Variants in MLKL observed in about 807,000 individuals in gnomAD.
MLKL encodes mixed lineage kinase domain like pseudokinase, also known as mixed lineage kinase domain-like protein.
MLKL carries 55 observed loss-of-function variants against 56.5 expected under a neutral mutation model. The ratio of observed to expected loss-of-function variants is 0.97; its 90% CI spans 0.78 to 1.22. The LOEUF (loss-of-function observed/expected upper bound fraction) is 1.22, where lower values mean the gene tolerates loss of function less well. Ranked by LOEUF, MLKL falls within the 50% of genes most tolerant of loss-of-function variation. The pLI is 0.00. For missense variants in MLKL, 694 were observed against 573.9 expected, an observed-to-expected ratio of 1.21 and a Z score of -2.14; for synonymous variants, 251 against 208.3, an observed-to-expected ratio of 1.20 and a Z score of -1.76.
At chr16:74,695,826 A>G (rs1236506746) in intron 1 of MLKL, 67 bp from the exon 2 acceptor site, 1 of 1,373,434 alleles carries the variant, frequency 7.3e-7, no homozygotes, top group African/African-American at 1.4e-5. Flanking sequence ...TTGGCTAAGA[A>G]AGAATCAAAG....
intron 4 of MLKL, among the ~76,000 whole-genome samples, chr16:74,689,108 T>C (rs1960509458): frequency 6.6e-6 from 1 of 151,642 alleles, no homozygotes; most frequent in African/African-American, 2.4e-5. Flanking sequence ...TCCTTCCTTT[T>C]TTCTTTTTTT....
chr16:74,700,395 C>T (rs2144582952), intron 1 of MLKL, 58 bp downstream of exon 1: 1 of 152,624 alleles, frequency 6.6e-6, no homozygotes, highest in African/African-American at 2.4e-5. Context: ...CATCACCGTC[C>T]AGGAATTCGG....
At position 74,682,773 on chromosome 16, in the gene MLKL, T is replaced by C. The variant is rs770026452; in HGVS notation, c.834A>G (p.Gln278=). Residue 278 remains glutamine, a synonymous_variant, in exon 6 of 11, where the codon CAA becomes CAG. Transcript: ENST00000308807. The part of the protein sequence containing the change: ...ICIDETVTPP[Q]FSIVMEYCEL... ...CACAGTACTCCATGACAATGGAGAA[T>C]TGAGGCGGAGTCACTGGTGGAAAGG... 4.3e-6 allele frequency: 7 copies of C among 1,614,052 alleles called. No individual in the cohort carries two copies. Among genetic ancestry groups the C allele is most frequent in the East Asian group, 2.2e-5 (1 of 44,864 alleles).
At chr16:74,675,123 C>G in intron 9 of MLKL, 23 bp from the exon 10 acceptor site, 1 of 1,610,534 alleles carries the variant, frequency 6.2e-7, no homozygotes, top group Non-Finnish European at 8.5e-7. Flanking sequence ...GCATGAGAGC[C>G]TCAAAAAATT....
chr16:74,674,410 C>T (rs1028404240), intron 10 of MLKL, among the ~76,000 whole-genome samples: 3 of 151,666 alleles, frequency 2.0e-5, no homozygotes, highest in Non-Finnish European at 2.9e-5. Context: ...ACCTTGGCCT[C>T]GCAAAATGTT....
At chr16:74,691,151 A>G (rs1026032403) in intron 4 of MLKL, 126 bp downstream of exon 4, 1 of 788,008 alleles carries the variant, frequency 1.3e-6, no homozygotes, top group Admixed American at 2.6e-5. Flanking sequence ...TTAACAGTGG[A>G]GAGCACATAA....
chr16:74,676,228 T>C (rs543723233), intron 7 of MLKL: 2 of 993,072 alleles, frequency 2.0e-6, no homozygotes, highest in East Asian at 2.2e-4. Context: ...TATCTGACTT[T>C]ATGGGGGGTC....
Position 74,675,312 on chromosome 16 carries a change from A to G in MLKL, c.1240+43T>C, listed in dbSNP as rs757301956. The G allele has an allele frequency of 2.5e-6, 4 of 1,613,800 alleles. No individual in the cohort carries two copies. In the South Asian group the frequency reaches 3.3e-5, roughly 13 times the overall value. On this transcript the variant is annotated intron_variant, in intron 9 of 10. Coordinates refer to ENST00000308807, the MANE Select transcript of MLKL (RefSeq NM_152649.4). ...GGAATTTCTGGTCTACTGGAAGGGG[A>G]CCCAACCTCACCACTGGCTGAGCCA...
rs573732219 is a variant in MLKL, at chr16:74,672,431, A to G, written c.*73T>C. ...AGATAACCCAATGCCGAAGGATATG[A>G]GAGAGAGAGATGTCCAGTTTGTGCC... On this transcript the variant is annotated 3_prime_UTR_variant, in exon 11 of 11. Transcript: ENST00000308807. 2.1e-5 allele frequency: 28 copies of G among 1,308,784 alleles called. No individual in the cohort carries two copies. The South Asian group carries it at 3.2e-4, about 15-fold the overall frequency. 81.1% of individuals were successfully genotyped at this position (1,308,784 alleles called of 1,614,324 possible). A position where few individuals can be genotyped will look rare whatever the true frequency, so the allele number is the denominator to read the frequency against.
intron 3 of MLKL, among the ~76,000 whole-genome samples, chr16:74,691,749 A>G (rs1346673469): frequency 6.6e-6 from 1 of 151,962 alleles, no homozygotes; most frequent in Non-Finnish European, 1.5e-5. Context: ...ATCCAGACTC[A>G]TCTCTCTCAT....
At chr16:74,680,233 G>T (rs1218240885) in intron 6 of MLKL, among the ~76,000 whole-genome samples, 1 of 152,162 alleles carries the variant, frequency 6.6e-6, no homozygotes, top group Non-Finnish European at 1.5e-5. Context: ...TGGTAAAAAG[G>T]ATCAGAGGTC....
intron 6 of MLKL, among the ~76,000 whole-genome samples, chr16:74,680,453 C>T (rs1400522720): frequency 6.6e-6 from 1 of 152,102 alleles, no homozygotes; most frequent in Non-Finnish European, 1.5e-5. Flanking sequence ...CTGATTACAT[C>T]AAGAAGAAAG....
At chr16:74,689,072 T>C (rs1444709877) in intron 4 of MLKL, among the ~76,000 whole-genome samples, 1 of 151,880 alleles carries the variant, frequency 6.6e-6, no homozygotes, top group Non-Finnish European at 1.5e-5. Context: ...GAATGACTGC[T>C]AGTGGGTATA....
In MLKL at chr16:74,691,259, C is replaced by A; in HGVS notation, c.722+18G>T. 6.3e-7 allele frequency: 1 copy of A among 1,597,750 alleles called. No homozygotes were observed. Among genetic ancestry groups the A allele is most frequent in the Non-Finnish European group, 8.5e-7 (1 of 1,172,196 alleles). ...GTAAGTATTGGTACACACGAGAGAA[C>A]CACACAAAACAACTTACGCAATGCT... On this transcript the variant is annotated intron_variant, in intron 4 of 10. Coordinates refer to ENST00000308807, the MANE Select transcript of MLKL (RefSeq NM_152649.4).
intron 1 of MLKL, among the ~76,000 whole-genome samples, chr16:74,699,380 G>A (rs1248814416): frequency 2.0e-5 from 3 of 152,120 alleles, no homozygotes; most frequent in African/African-American, 7.2e-5. Flanking sequence ...ATAAAGAAAA[G>A]GGGACTTGCC....
intron 7 of MLKL, chr16:74,676,321 G>C: frequency 1.0e-6 from 1 of 985,992 alleles, no homozygotes; most frequent in Non-Finnish European, 1.2e-6. Context: ...TAAAGAAACT[G>C]TAGCACAATC....
At chr16:74,700,276 A>C (rs1961309131) in intron 1 of MLKL, among the ~76,000 whole-genome samples, 177 bp downstream of exon 1, 1 of 151,862 alleles carries the variant, frequency 6.6e-6, no homozygotes, top group Non-Finnish European at 1.5e-5. Context: ...GGCGGAAGGT[A>C]GTGCGAGATC....
At chr16:74,681,220 T>A (rs993221940) in intron 6 of MLKL, among the ~76,000 whole-genome samples, 3 of 151,882 alleles carry the variant, frequency 2.0e-5, no homozygotes, top group Non-Finnish European at 4.4e-5. Context: ...AAAACAGGGT[T>A]TCGCCACGTT....
chr16:74,698,068 G>A (rs994695795), intron 1 of MLKL, among the ~76,000 whole-genome samples: 3 of 151,514 alleles, frequency 2.0e-5, no homozygotes, highest in African/African-American at 7.3e-5. Context: ...TGCTGGATGT[G>A]GTGGTGCTTG....
Sources: gnomAD v4.1 joint callset for allele counts (sites outside exome capture counted in the v4.1 genomes callset) on GRCh38, gnomAD v4.1.1 for gene constraint, MANE v1.5 for transcripts, NCBI Gene and HGNC (gene_info 2026-07-23, HGNC 2026-07-21) for gene names.